The following NDUFB7 variants were observed in gnomAD, a reference collection of about 807,000 sequenced individuals.
The protein encoded by NDUFB7 is NADH:ubiquinone oxidoreductase subunit B7, also known as NADH dehydrogenase [ubiquinone] 1 beta subcomplex subunit 7.
A neutral mutation model predicts 14.7 loss-of-function variants in NDUFB7; 18 were observed. That is an observed-to-expected ratio of 1.22 (90% CI 0.85 to 1.81). NDUFB7 has a LOEUF of 1.81. Ranked by LOEUF, NDUFB7 falls within the 40% of genes most tolerant of loss-of-function variation. The pLI is 0.00. For missense variants in NDUFB7, 219 were observed against 195.0 expected (o/e 1.12, Z -0.73); for synonymous variants, 86 against 76.1 (o/e 1.13, Z -0.68).
chr19:14,567,274 C>T lies in NDUFB7; in HGVS notation c.113-341G>A, dbSNP rs1330569282. ...CTCTACAGCCCCGCTCTCCAGAGTC[C>T]GAGTTCAGAATCCACCTTCTCCCAG... On this transcript the variant is annotated intron_variant, in intron 1 of 2. Transcript: ENST00000215565. The surrounding 1 kb of genome is among the most constrained non-coding windows in gnomAD (Gnocchi z 5.1). Among the ~76,000 whole-genome samples, 1 of 152,062 alleles carries T rather than the reference C, an allele frequency of 6.6e-6. No homozygotes were observed. The highest frequency in any genetic ancestry group is 1.5e-5 in the Non-Finnish European group (1 of 68,006).
In NDUFB7 at chr19:14,566,845, G is replaced by C. The variant is rs1048161015; in HGVS notation, c.201C>G (p.Leu67=). The change falls in exon 2 of 3, where the codon CTC becomes CTG. Residue 67 remains leucine, a synonymous_variant. Transcript: ENST00000215565. ...TGGGGAAGCTGTCACGCTTGCACTT[G>C]AGCAGCCGGATGAGGTGGTGGGCGC... The part of the protein sequence containing the change: ...DYCAHHLIRL[L]KCKRDSFPNF... The C allele has an allele frequency of 6.4e-7, 1 of 1,563,612 alleles. No individual in the cohort carries two copies. The highest frequency in any genetic ancestry group is 2.4e-5 in the East Asian group (1 of 42,130).
At chr19:14,571,808 T>A (rs2074126535) in intron 1 of NDUFB7, 81 bp downstream of exon 1, 7 of 1,334,858 alleles carry the variant, frequency 5.2e-6, no homozygotes, top group Non-Finnish European at 6.3e-6. Flanking sequence ...AGCCCAGCCC[T>A]GGGGTGCCAG....
At chr19:14,570,020 C>T (rs2074116049) in intron 1 of NDUFB7, among the ~76,000 whole-genome samples, 1 of 151,334 alleles carries the variant, frequency 6.6e-6, no homozygotes, top group African/African-American at 2.4e-5. Context: ...GCCTCCCAGA[C>T]AGCTGGGATT....
intron 2 of NDUFB7, 70 bp from the exon 3 acceptor site, chr19:14,566,335 G>C: frequency 5.0e-6 from 8 of 1,604,892 alleles, no homozygotes; most frequent in Non-Finnish European, 6.8e-6. Flanking sequence ...CCTGGGAAGC[G>C]GAGGGGCCGT....
chr19:14,568,664 G>T (rs183203567), intron 1 of NDUFB7, among the ~76,000 whole-genome samples: 1 of 152,292 alleles, frequency 6.6e-6, no homozygotes, highest in Admixed American at 6.5e-5. Context: ...AGCGTGTCTG[G>T]CAGTGCTTAA....
At position 14,572,032 on chromosome 19, in the gene NDUFB7, C is replaced by G. The variant is rs756885072; in HGVS notation, c.-32G>C. The G allele has an allele frequency of 4.6e-6, 7 of 1,518,382 alleles. No homozygotes were observed. In the East Asian group the frequency reaches 1.2e-4, roughly 26 times the overall value. The allele number at this position is 1,518,382 out of a possible 1,614,324, so 94.1% of individuals were successfully genotyped here. On this transcript the variant is annotated 5_prime_UTR_variant, in exon 1 of 3. Transcript: ENST00000215565. Reference sequence around the variant, plus strand: ...AGTCGCTGCAGATCCCTGCAGCAGCCGAGGGTCACCTAGCTCCTACCCGGA... The same window carrying G: ...AGTCGCTGCAGATCCCTGCAGCAGCGGAGGGTCACCTAGCTCCTACCCGGA...
chr19:14,570,915 T>C (rs1303691908), intron 1 of NDUFB7, among the ~76,000 whole-genome samples: 1 of 152,054 alleles, frequency 6.6e-6, no homozygotes, highest in African/African-American at 2.4e-5. Context: ...TCCCAGCACT[T>C]TGGGAGGCTG....
rs977158879 is a variant in NDUFB7, at chr19:14,567,632, G to A, written c.113-699C>T. 6.6e-6 allele frequency among the ~76,000 whole-genome samples: 1 copy of A among 152,056 alleles called. No individual in the cohort carries two copies. The highest frequency in any genetic ancestry group is 2.4e-5 in the African/African-American group (1 of 41,388). ...ATCCTGGACACTCACCCCGGAGCCT[G>A]TGCCTGGCGATCCTGCACTCGTTCC... On this transcript the variant is annotated intron_variant, in intron 1 of 2. Coordinates refer to ENST00000215565, the MANE Select transcript of NDUFB7 (RefSeq NM_004146.6). The surrounding 1 kb of genome is among the most constrained non-coding windows in gnomAD (Gnocchi z 5.1).
Position 14,572,049 on chromosome 19 carries a change from C to T in NDUFB7, c.-49G>A. 7.1e-7 allele frequency: 1 copy of T among 1,406,332 alleles called. No individual in the cohort carries two copies. Among genetic ancestry groups the T allele is most frequent in the East Asian group, 2.5e-5 (1 of 40,552 alleles). 87.1% of individuals were successfully genotyped at this position (1,406,332 alleles called of 1,614,324 possible). A position where few individuals can be genotyped will look rare whatever the true frequency, so the allele number is the denominator to read the frequency against. On this transcript the variant is annotated 5_prime_UTR_variant, in exon 1 of 3. Coordinates refer to ENST00000215565, the MANE Select transcript of NDUFB7 (RefSeq NM_004146.6). ...GCAGCAGCCGAGGGTCACCTAGCTC[C>T]TACCCGGAACCACTGACCCCTCAGT...
At position 14,571,994 on chromosome 19, in the gene NDUFB7, C is replaced by G; in HGVS notation, c.7G>C (p.Ala3Pro). Residue 3 changes from alanine to proline, a missense_variant, in exon 1 of 3, where the codon GCC becomes CCC. By Grantham distance (27) the Ala-to-Pro change is conservative. Coordinates refer to ENST00000215565, the MANE Select transcript of NDUFB7 (RefSeq NM_004146.6). ...CCCAGGTAGCGCCGGACCAGGTGGG[C>G]CCCCATGGCTGCAGTCGCTGCAGAT... MGAHLVRRYLGDA... is the reference protein window; with the variant it reads MGPHLVRRYLGDA... The G allele has an allele frequency of 6.3e-7, 1 of 1,595,544 alleles. No homozygotes were observed. The highest frequency in any genetic ancestry group is 8.5e-7 in the Non-Finnish European group (1 of 1,171,820).
chr19:14,568,615 C>T (rs1245050232), intron 1 of NDUFB7, among the ~76,000 whole-genome samples: 1 of 152,116 alleles, frequency 6.6e-6, no homozygotes, highest in Non-Finnish European at 1.5e-5. Flanking sequence ...TCCCTGCCCT[C>T]AGAGGGAGAC....
chr19:14,568,406 C>T (rs984312831), intron 1 of NDUFB7, among the ~76,000 whole-genome samples: 1 of 152,162 alleles, frequency 6.6e-6, no homozygotes, highest in East Asian at 1.9e-4. Flanking sequence ...TCCCTCCACC[C>T]CACACCTCGC....
In NDUFB7 at chr19:14,566,775, C is replaced by G; in HGVS notation, c.271G>C (p.Glu91Gln). The change falls in exon 2 of 3, where the codon GAG (glutamate) becomes CAG (glutamine). Residue 91 changes from glutamate to glutamine, a missense_variant. Coordinates refer to ENST00000215565, the MANE Select transcript of NDUFB7 (RefSeq NM_004146.6). ...TGTGGGGGTGCTCACTCGCGGTGCT[C>G]GCAGTAGTCCCAGTCGTGCCGCTCC... is the stretch of plus-strand genomic sequence containing the variant. Reference protein sequence around the residue: ...KQERHDWDYCEHRDYVMRMKE... With the variant: ...KQERHDWDYCQHRDYVMRMKE... 5 of 1,544,434 alleles carry G rather than the reference C, an allele frequency of 3.2e-6. No homozygotes were observed. The highest frequency in any genetic ancestry group is 4.4e-6 in the Non-Finnish European group (5 of 1,146,460).
Position 14,566,750 on chromosome 19 carries a change from T to C in NDUFB7, c.281+15A>G. 4.0e-6 allele frequency: 6 copies of C among 1,513,288 alleles called. No homozygotes were observed. The highest frequency in any genetic ancestry group is 5.3e-6 in the Non-Finnish European group (6 of 1,132,688). 93.7% of individuals were successfully genotyped at this position (1,513,288 alleles called of 1,614,324 possible). A position where few individuals can be genotyped will look rare whatever the true frequency, so the allele number is the denominator to read the frequency against. Reference sequence around the variant, plus strand: ...TGCGGGCCGGGGTGTTGGGGGCTGGTGTGGGGGTGCTCACTCGCGGTGCTC... The same window carrying C: ...TGCGGGCCGGGGTGTTGGGGGCTGGCGTGGGGGTGCTCACTCGCGGTGCTC... On this transcript the variant is annotated intron_variant, in intron 2 of 2. Transcript: ENST00000215565.
chr19:14,566,286 G>T, intron 2 of NDUFB7, 21 bp from the exon 3 acceptor site: 1 of 1,613,418 alleles, frequency 6.2e-7, no homozygotes, highest in Non-Finnish European at 8.5e-7. Flanking sequence ...AGCACGAGAG[G>T]GGCTGTCAGG....
At chr19:14,568,936 A>AGGC (rs1245393927) in intron 1 of NDUFB7, among the ~76,000 whole-genome samples, 1 of 152,056 alleles carries the variant, frequency 6.6e-6, no homozygotes, top group Non-Finnish European at 1.5e-5. Flanking sequence ...GCACTTTGGG[A>AGGC]GGCCGAGGCA....
At chr19:14,569,260 C>A (rs148271881) in intron 1 of NDUFB7, among the ~76,000 whole-genome samples, 5 of 151,982 alleles carry the variant, frequency 3.3e-5, no homozygotes, top group Non-Finnish European at 7.4e-5. Context: ...GAGTACCAAT[C>A]GGGAGACCGG....
At chr19:14,571,614 A>G in intron 1 of NDUFB7, among the ~76,000 whole-genome samples, 1 of 146,564 alleles carries the variant, frequency 6.8e-6, no homozygotes, top group East Asian at 2.0e-4. Context: ...AAAAAAAAAA[A>G]GACTCGACCC....
chr19:14,566,599 A>AGGGGCC (rs2074087947), intron 2 of NDUFB7, among the ~76,000 whole-genome samples, 166 bp downstream of exon 2: 1 of 188 alleles, frequency 5.3e-3, no homozygotes, highest in Admixed American at 0.045. Flanking sequence ...ACATCCTGCC[A>AGGGGCC]GGGGCCAGGC....
Sources: gnomAD v4.1 joint callset for allele counts (sites outside exome capture counted in the v4.1 genomes callset) on GRCh38, gnomAD v4.1.1 for gene constraint, Gnocchi (gnomAD v3.1) non-coding constraint, MANE v1.5 for transcripts, NCBI Gene and HGNC (gene_info 2026-07-23, HGNC 2026-07-21) for gene names.